Variants in CTNND1 observed in about 807,000 individuals in gnomAD.
The protein encoded by CTNND1 is catenin delta 1, also known as catenin delta-1.
A neutral mutation model predicts 112.1 loss-of-function variants in CTNND1; 16 were observed. That is an observed-to-expected ratio of 0.14 (90% confidence interval 0.10 to 0.22). CTNND1 has a LOEUF of 0.22. Among genes scored for constraint, CTNND1 ranks in the 10% least tolerant of loss-of-function variants. The pLI, the probability that CTNND1 is intolerant of heterozygous loss-of-function variation, is 1.00. For synonymous variants in CTNND1, 420 were observed against 446.5 expected, an observed-to-expected ratio of 0.94 and a Z score of 0.75; for missense variants, 1,008 against 1,257.0, an observed-to-expected ratio of 0.80 and a Z score of 3.00.
intron 17 of CTNND1, among the ~76,000 whole-genome samples, chr11:57,811,738 CTA>C (rs2063382211): frequency 6.6e-6 from 1 of 152,124 alleles, no homozygotes; most frequent in Admixed American, 6.6e-5. Flanking sequence ...AAAGTGAACT[CTA>C]GTCTGTTTTG....
At position 57,804,683 on chromosome 11, in the gene CTNND1, G is replaced by C; in HGVS notation, c.1625G>C (p.Ser542Thr). 1 of 1,613,878 alleles carries C rather than the reference G, an allele frequency of 6.2e-7. No homozygotes were observed. Among genetic ancestry groups the C allele is most frequent in the South Asian group, 1.1e-5 (1 of 91,062 alleles). ...GCLRNVSSERSEARRKLRECD... is the reference protein window; with the variant it reads ...GCLRNVSSERTEARRKLRECD... ...CTCAGGAATGTAAGCTCAGAGAGGA[G>C]TGAAGCTCGCCGGAAACTTCGGGAA... Residue 542 changes from serine to threonine, a missense_variant, in exon 9 of 21, where the codon AGT (serine) becomes ACT (threonine). Transcript: ENST00000399050.
intron 6 of CTNND1, 67 bp downstream of exon 6, chr11:57,797,059 C>T: frequency 7.4e-7 from 1 of 1,347,138 alleles, no homozygotes; most frequent in South Asian, 2.2e-5. Flanking sequence ...GCTTTTCCTT[C>T]AACTTCTAGG....
In CTNND1 at chr11:57,791,693, G is replaced by T. The variant is rs775650782; in HGVS notation, c.195+20G>T. 1.3e-6 allele frequency: 2 copies of T among 1,516,002 alleles called. No individual in the cohort carries two copies. The highest frequency in any genetic ancestry group is 2.8e-5 in the African/African-American group (2 of 71,438). The allele number at this position is 1,516,002 out of a possible 1,614,324, so 93.9% of individuals were successfully genotyped here. A position where few individuals can be genotyped will look rare whatever the true frequency, so the allele number is the denominator to read the frequency against. Reference sequence around the variant, plus strand: ...CATCAGGTAACCCCTCTCTCCATCAGACGTGCAGGTAGGACTTTGGCATGG... The same window carrying T: ...CATCAGGTAACCCCTCTCTCCATCATACGTGCAGGTAGGACTTTGGCATGG... On this transcript the variant is annotated intron_variant, in intron 3 of 20. Coordinates refer to ENST00000399050, the MANE Select transcript of CTNND1 (RefSeq NM_001085458.2).
In CTNND1 at chr11:57,796,760, A is replaced by G. The variant is rs1346529880; in HGVS notation, c.724A>G (p.Arg242Gly). 5.6e-6 allele frequency: 9 copies of G among 1,612,214 alleles called. No homozygotes were observed. The highest frequency in any genetic ancestry group is 7.6e-6 in the Non-Finnish European group (9 of 1,178,594). The change falls in exon 6 of 21, where the codon AGG becomes GGG. Residue 242 changes from arginine (R) to glycine (G), a missense_variant. This residue lies in a region of CTNND1 where 404 missense variants were observed against 457.9 expected (regional missense o/e 0.88). Coordinates refer to ENST00000399050, the MANE Select transcript of CTNND1 (RefSeq NM_001085458.2). ...GGTGACCCGCATTGAGGAGCGGTAT[A>G]GGCCCAGCATGGAAGGCTACCGGGC... ...SRVTRIEERY[R>G]PSMEGYRAPS...
intron 6 of CTNND1, among the ~76,000 whole-genome samples, chr11:57,798,855 A>T (rs567017): frequency 0.28 from 43,029 of 152,024 alleles, 7,125 homozygotes; most frequent in East Asian, 0.79. Flanking sequence ...CATTATGGGG[A>T]TGTACAAAAA....
At chr11:57,796,222 TA>T (rs1157889990) in intron 5 of CTNND1, among the ~76,000 whole-genome samples, 1 of 151,832 alleles carries the variant, frequency 6.6e-6, no homozygotes, top group Non-Finnish European at 1.5e-5. Flanking sequence ...CCGTCTCTAC[TA>T]AAAATACAAA....
Position 57,795,690 on chromosome 11 carries a change from G to T in CTNND1, c.381G>T (p.Glu127Asp), listed in dbSNP as rs770713347. 3.8e-5 allele frequency: 61 copies of T among 1,608,058 alleles called. No homozygotes were observed. The highest frequency in any genetic ancestry group is 4.9e-5 in the Non-Finnish European group (58 of 1,177,626). ...GAGCCATGTCTGTAGTCTCTGTGGAGACCTCAGATGATGGGACCACTCGGC... is the reference window on the plus strand; with the variant it reads ...GAGCCATGTCTGTAGTCTCTGTGGATACCTCAGATGATGGGACCACTCGGC... ...PEGAMSVVSV[E>D]TSDDGTTRRT... The change falls in exon 5 of 21, where the codon GAG (glutamate) becomes GAT (aspartate). Residue 127 changes from glutamate to aspartate, a missense_variant. This residue lies in a region of CTNND1 where 404 missense variants were observed against 457.9 expected (regional missense o/e 0.88). Transcript: ENST00000399050.
Position 57,796,825 on chromosome 11 carries a change from T to G in CTNND1, c.789T>G (p.Val263=). The change falls in exon 6 of 21, where the codon GTT becomes GTG. Residue 263 remains valine (V), a synonymous_variant. Transcript: ENST00000399050. ...ATGTGTATGGGCCCCAACCCCAGGT[T>G]CGGGTAGGTGGGAGCAGCGTGGATC... is the stretch of plus-strand genomic sequence containing the variant. ...RQDVYGPQPQ[V]RVGGSSVDLH... The G allele has an allele frequency of 6.2e-7, 1 of 1,610,956 alleles. No homozygotes were observed. The highest frequency in any genetic ancestry group is 8.5e-7 in the Non-Finnish European group (1 of 1,177,868).
intron 16 of CTNND1, among the ~76,000 whole-genome samples, chr11:57,810,568 A>G (rs1198326718): frequency 2.0e-5 from 3 of 151,952 alleles, no homozygotes. Flanking sequence ...AGCTTAGGCA[A>G]CCTGCCTCGG....
At chr11:57,814,057 G>C in intron 17 of CTNND1, 2 of 418,670 alleles carry the variant, frequency 4.8e-6, no homozygotes, top group Non-Finnish European at 8.7e-6. Flanking sequence ...GCTCACACCT[G>C]TAATCCCAGT....
intron 6 of CTNND1, among the ~76,000 whole-genome samples, chr11:57,801,207 G>C (rs911190868): frequency 6.6e-6 from 1 of 152,164 alleles, no homozygotes; most frequent in Non-Finnish European, 1.5e-5. Flanking sequence ...TTCCAAAATA[G>C]GATAAGGAGA....
chr11:57,796,908 A>G lies in CTNND1; in HGVS notation c.872A>G (p.Tyr291Cys), dbSNP rs752496940. ...GLEDDQRSMGYDDLDYGMMSD... is the reference protein window; with the variant it reads ...GLEDDQRSMGCDDLDYGMMSD... ...GAGGATGACCAGCGTAGTATGGGCT[A>G]TGATGACCTGGATTATGGTATGATG... The change falls in exon 6 of 21, where the codon TAT becomes TGT. Residue 291 changes from tyrosine (Y) to cysteine (C), a missense_variant. By Grantham distance (194) the Tyr-to-Cys change is radical (BLOSUM62 -2). This residue lies in a region of CTNND1 where 404 missense variants were observed against 457.9 expected (regional missense o/e 0.88). Coordinates refer to ENST00000399050, the MANE Select transcript of CTNND1 (RefSeq NM_001085458.2). The G allele has an allele frequency of 5.0e-6, 8 of 1,594,944 alleles. No individual in the cohort carries two copies. The East Asian group carries it at 9.0e-5, about 18-fold the overall frequency.
In CTNND1 at chr11:57,795,579, T is replaced by G; in HGVS notation, c.270T>G (p.Asp90Glu). ...TCTCTTTTCTCTTTTGCATATAGGA[T>G]CACAGTCACCTTCTATATAGCACCA... Reference protein sequence around the residue: ...FSDLKLNGPQDHSHLLYSTIP... With the variant: ...FSDLKLNGPQEHSHLLYSTIP... The change falls in exon 5 of 21, where the codon GAT becomes GAG. Residue 90 changes from aspartate (D) to glutamate (E), a missense_variant and splice_region_variant. This residue lies in a region of CTNND1 where 404 missense variants were observed against 457.9 expected (regional missense o/e 0.88). Transcript: ENST00000399050. The G allele has an allele frequency of 6.2e-7, 1 of 1,609,846 alleles. No individual in the cohort carries two copies. Among genetic ancestry groups the G allele is most frequent in the South Asian group, 1.1e-5 (1 of 90,300 alleles).
Position 57,791,639 on chromosome 11 carries a change from T to A in CTNND1, c.161T>A (p.Leu54His). Residue 54 changes from leucine to histidine, a missense_variant, in exon 3 of 21, where the codon CTC becomes CAC. Physicochemically the swap from Leu to His is moderately conservative, Grantham distance 99. This residue lies in a region of CTNND1 where 404 missense variants were observed against 457.9 expected (regional missense o/e 0.88). Coordinates refer to ENST00000399050, the MANE Select transcript of CTNND1 (RefSeq NM_001085458.2). ...GTCTCACCACAAGATGCCAACCCAC[T>A]CATGGCCAACGGCACACTCACCCGC... ...VRVSPQDANP[L>H]MANGTLTRRH... 1.3e-6 allele frequency: 2 copies of A among 1,591,512 alleles called. No individual in the cohort carries two copies. Among genetic ancestry groups the A allele is most frequent in the East Asian group, 2.3e-5 (1 of 43,456 alleles).
In CTNND1 at chr11:57,818,521, A is replaced by G. The variant is rs1379644129; in HGVS notation, c.*2213A>G. The G allele has an allele frequency of 1.3e-5, 2 of 152,336 alleles. No individual in the cohort carries two copies. The highest frequency in any genetic ancestry group is 2.9e-5 in the Non-Finnish European group (2 of 68,010). 9.4% of individuals were successfully genotyped at this position (152,336 alleles called of 1,614,324 possible). On this transcript the variant is annotated 3_prime_UTR_variant, in exon 21 of 21. Coordinates refer to ENST00000399050, the MANE Select transcript of CTNND1 (RefSeq NM_001085458.2). ...TGCTTTGCATCTTTGTTACTTCCTT[A>G]TGTATCAGTGTCCTTTCCAGAGCAA...
intron 14 of CTNND1, among the ~76,000 whole-genome samples, chr11:57,808,945 T>C (rs1205809803): frequency 6.6e-6 from 1 of 152,250 alleles, no homozygotes; most frequent in African/African-American, 2.4e-5. Flanking sequence ...ATTTATATTT[T>C]AAATTCATAA....
chr11:57,808,812 C>T (rs2063007206), intron 14 of CTNND1, among the ~76,000 whole-genome samples: 1 of 152,152 alleles, frequency 6.6e-6, no homozygotes, highest in African/African-American at 2.4e-5. Context: ...TTCTGTGTTT[C>T]CATTTAATCC....
At chr11:57,769,184 G>A (rs1039787890) in intron 1 of CTNND1, among the ~76,000 whole-genome samples, 7 of 151,846 alleles carry the variant, frequency 4.6e-5, no homozygotes, top group South Asian at 2.1e-4. Flanking sequence ...GCATGGTGGT[G>A]CATGCCTGTA....
chr11:57,806,962 A>G lies in CTNND1; in HGVS notation c.1942A>G (p.Lys648Glu). 3 of 1,601,042 alleles carry G rather than the reference A, an allele frequency of 1.9e-6. No homozygotes were observed. The highest frequency in any genetic ancestry group is 2.6e-6 in the Non-Finnish European group (3 of 1,173,448). ...AGCAAACGATACAGTGGATTTCCCT[A>G]AAAGAACGAGTCCAGCTCGAGGTAA... Reference protein sequence around the residue: ...DPANDTVDFPKRTSPARGYEL... With the variant: ...DPANDTVDFPERTSPARGYEL... The change falls in exon 12 of 21, where the codon AAA becomes GAA. Residue 648 changes from lysine (K) to glutamate (E), a missense_variant. Transcript: ENST00000399050.
Sources: allele counts gnomAD v4.1 joint callset (sites outside exome capture counted in the v4.1 genomes callset), GRCh38; gene constraint gnomAD v4.1.1; regional missense constraint gnomAD v4.1.1; transcripts MANE v1.5; gene names NCBI Gene and HGNC (gene_info 2026-07-23, HGNC 2026-07-21).